The following ATG7 variants were observed in gnomAD, a reference collection of about 807,000 sequenced individuals.
ATG7 encodes ubiquitin-like modifier-activating enzyme ATG7.
Under a neutral mutation model 82.4 loss-of-function variants are expected in ATG7, and 70 were observed. That is an observed-to-expected ratio of 0.85 (90% CI 0.70 to 1.04). The LOEUF is 1.04. Ranked by LOEUF, ATG7 falls within the 50% of genes least tolerant of loss-of-function variation. The pLI, the probability that ATG7 is intolerant of heterozygous loss-of-function variation, is 0.00. For synonymous variants in ATG7, 287 were observed against 313.0 expected (o/e 0.92, Z 0.88); for missense variants, 792 against 864.3 (o/e 0.92, Z 1.05).
intron 19 of ATG7, among the ~76,000 whole-genome samples, chr3:11,396,755 C>T (rs2079315108): frequency 6.9e-6 from 1 of 145,370 alleles, no homozygotes. Context: ...GCACTCCAGC[C>T]TGGGCTACAG....
chr3:11,528,555 A>C (rs531531833), intron 20 of ATG7, among the ~76,000 whole-genome samples: 2 of 152,178 alleles, frequency 1.3e-5, no homozygotes, highest in African/African-American at 4.8e-5. Flanking sequence ...GTTTGGGCGC[A>C]GTGACTCATT....
chr3:11,340,364 G>A (rs1319439714), intron 11 of ATG7, among the ~76,000 whole-genome samples: 1 of 151,874 alleles, frequency 6.6e-6, no homozygotes, highest in Non-Finnish European at 1.5e-5. Context: ...GCCACCTTGG[G>A]CCAGAGTTGA....
At chr3:11,508,386 T>C (rs2091863496) in intron 20 of ATG7, among the ~76,000 whole-genome samples, 1 of 152,002 alleles carries the variant, frequency 6.6e-6, no homozygotes, top group Non-Finnish European at 1.5e-5. Context: ...AGTTTACAAA[T>C]TTGTGTTGGG....
chr3:11,339,301 AAAAAAAAAAAAAG>A (rs1559425748), intron 11 of ATG7, among the ~76,000 whole-genome samples: 1 of 141,168 alleles, frequency 7.1e-6, no homozygotes, highest in East Asian at 2.1e-4. Context: ...GTTTCAAAAA[AAAAAAAAAAAAAG>A]AAAAGAAAAG....
chr3:11,339,314 G>A (rs144094273), intron 11 of ATG7, among the ~76,000 whole-genome samples: 110 of 30,336 alleles, frequency 3.6e-3, no homozygotes, highest in East Asian at 0.017. Context: ...AAAAAAAAAA[G>A]AAAAGAAAAG....
chr3:11,477,931 C>T (rs996846292), intron 20 of ATG7, among the ~76,000 whole-genome samples: 1 of 152,220 alleles, frequency 6.6e-6, no homozygotes, highest in South Asian at 2.1e-4. Context: ...CTTAGCTTAA[C>T]TCCAGTGGAA....
chr3:11,282,589 A>T (rs1346476765), intron 3 of ATG7, among the ~76,000 whole-genome samples, 151 bp downstream of exon 3: 1 of 152,216 alleles, frequency 6.6e-6, no homozygotes, highest in Non-Finnish European at 1.5e-5. Flanking sequence ...TTGCTCAGGG[A>T]CATCTTGACT....
intron 20 of ATG7, among the ~76,000 whole-genome samples, chr3:11,464,879 G>C (rs1168768984): frequency 6.6e-6 from 1 of 152,122 alleles, no homozygotes; most frequent in Non-Finnish European, 1.5e-5. Flanking sequence ...AATGGAAATA[G>C]CAACCTTGTT....
chr3:11,322,643 T>A (rs1218188603), intron 9 of ATG7, among the ~76,000 whole-genome samples: 1 of 152,240 alleles, frequency 6.6e-6, no homozygotes, highest in Admixed American at 6.5e-5. Context: ...TTAATGGATG[T>A]ATGATAGTAT....
chr3:11,514,833 G>A (rs964391549), intron 20 of ATG7, among the ~76,000 whole-genome samples: 4 of 151,428 alleles, frequency 2.6e-5, no homozygotes, highest in Non-Finnish European at 5.9e-5. Flanking sequence ...AAGTGCATCT[G>A]GTCTAGGTTT....
the ATG7 span, among the ~76,000 whole-genome samples, chr3:11,574,667 G>C: frequency 1.3e-5 from 2 of 152,114 alleles, no homozygotes; most frequent in African/African-American, 2.4e-5. Flanking sequence ...CCAGCACAAA[G>C]AAACGATTAA....
At chr3:11,466,400 A>C (rs988452769) in intron 20 of ATG7, among the ~76,000 whole-genome samples, 2 of 152,228 alleles carry the variant, frequency 1.3e-5, no homozygotes, top group African/African-American at 2.4e-5. Flanking sequence ...GTCATATTGC[A>C]AAGGGCATGA....
chr3:11,291,694 A>G (rs1437858830), intron 3 of ATG7, among the ~76,000 whole-genome samples: 1 of 152,234 alleles, frequency 6.6e-6, no homozygotes, highest in Non-Finnish European at 1.5e-5. Flanking sequence ...AGTATTATCA[A>G]AACAGCAAGC....
chr3:11,411,606 A>G lies in ATG7; in HGVS notation c.1957-15198A>G, dbSNP rs561506569. 1.8e-4 allele frequency among the ~76,000 whole-genome samples: 21 copies of G among 115,730 alleles called. No homozygotes were observed. In the South Asian group the frequency reaches 4.6e-3, roughly 25 times the overall value. 75.9% of individuals were successfully genotyped at this position (115,730 alleles called of 152,430 possible). On this transcript the variant is annotated intron_variant, in intron 19 of 20. Coordinates refer to ENST00000693202, the MANE Select transcript of ATG7 (RefSeq NM_001349232.2). ...CTGCACTCCAGCCTGGTGACACAGC[A>G]AGACTCTGTCTCCAAAAAAAAAAAA...
Position 11,480,058 on chromosome 3 carries a change from G to A in ATG7, c.2079+53132G>A, listed in dbSNP as rs149118492. On this transcript the variant is annotated intron_variant, in intron 20 of 20. Transcript: ENST00000693202. ...TTCTCCTGCCTCAGCCTCCCAAGTA[G>A]CTGGGACTACAGGTGCCCGCCACCA... Among the ~76,000 whole-genome samples the A allele has an allele frequency of 6.9e-3, 1,050 of 152,102 alleles. 9 individuals are homozygous for A. The highest frequency in any genetic ancestry group is 0.024 in the African/African-American group (998 of 41,494).
chr3:11,437,131 C>T (rs573401342), intron 20 of ATG7, among the ~76,000 whole-genome samples: 4 of 152,128 alleles, frequency 2.6e-5, no homozygotes, highest in East Asian at 3.9e-4. Context: ...GTTTCTCCTT[C>T]CCTCTCTCCT....
intron 14 of ATG7, among the ~76,000 whole-genome samples, chr3:11,355,620 G>A (rs997573665): frequency 5.9e-5 from 9 of 152,116 alleles, no homozygotes; most frequent in South Asian, 4.1e-4. Context: ...AATGCTCAAC[G>A]TCAATAGTCA....
chr3:11,356,694 C>T (rs928769683), intron 14 of ATG7, among the ~76,000 whole-genome samples: 2 of 152,094 alleles, frequency 1.3e-5, no homozygotes, highest in African/African-American at 4.8e-5. Flanking sequence ...CATGCTTTGT[C>T]AATTGTAGTA....
At position 11,442,739 on chromosome 3, in the gene ATG7, C is replaced by CCAAAAAAAAAAAA. The variant is rs1553668928; in HGVS notation, c.2079+15813_2079+15814insCAAAAAAAAAAAA. ...GCAGCATAGTGAGACTCCATCTCTACAAAAAAAAAAAAAAAAAAAAAAAAA... is the reference window on the plus strand; with the variant it reads ...GCAGCATAGTGAGACTCCATCTCTACCAAAAAAAAAAAAAAAAAAAAAAAAAAAAAAAAAAAAA... On this transcript the variant is annotated intron_variant, in intron 20 of 20. Coordinates refer to ENST00000693202, the MANE Select transcript of ATG7 (RefSeq NM_001349232.2). Among the ~76,000 whole-genome samples the CCAAAAAAAAAAAA allele has an allele frequency of 4.0e-3, 279 of 69,258 alleles. 68 individuals carry two copies. Among genetic ancestry groups the CCAAAAAAAAAAAA allele is most frequent in the South Asian group, 8.8e-3 (13 of 1,484 alleles). The allele number at this position is 69,258 out of a possible 152,430, so 45.4% of individuals were successfully genotyped here. A position where few individuals can be genotyped will look rare whatever the true frequency, so the allele number is the denominator to read the frequency against.
Sources: allele counts gnomAD v4.1 joint callset (sites outside exome capture counted in the v4.1 genomes callset), GRCh38; gene constraint gnomAD v4.1.1; transcripts MANE v1.5; gene names NCBI Gene and HGNC (gene_info 2026-07-23, HGNC 2026-07-21).